ULK4: variants seen among roughly 807,000 people sequenced by gnomAD.
The protein encoded by ULK4 is unc-51 like kinase 4.
In ULK4, 133 loss-of-function variants were observed where a neutral mutation model predicts 160.6. The ratio of observed to expected loss-of-function variants is 0.83; its 90% CI spans 0.72 to 0.96. ULK4 has a LOEUF of 0.96. Ranked by LOEUF, ULK4 falls within the 40% of genes least tolerant of loss-of-function variation. The probability of loss-of-function intolerance (pLI) is 0.00; values close to 1 mark genes in which losing one functional copy is unlikely to be tolerated. For synonymous variants in ULK4, 534 were observed against 539.8 expected (o/e 0.99, Z 0.15); for missense variants, 1,580 against 1,499.5 (o/e 1.05, Z -0.89).
Position 41,835,963 on chromosome 3 carries a change from A to T in ULK4, c.1665T>A (p.Val555=). 6.3e-7 allele frequency: 1 copy of T among 1,591,596 alleles called. No homozygotes were observed. Among genetic ancestry groups the T allele is most frequent in the Non-Finnish European group, 8.6e-7 (1 of 1,167,676 alleles). ...TTTCCCTAATTAATTCAGTTAAGAGAACAATTGCCTGCAAAGACAAAAAAA... is the reference window on the plus strand; with the variant it reads ...TTTCCCTAATTAATTCAGTTAAGAGTACAATTGCCTGCAAAGACAAAAAAA... ...QENTPVVEAI[V]LLTELIRENF... is the part of the protein sequence containing the mutation. Residue 555 remains valine, a synonymous_variant, in exon 18 of 37, where the codon GTT becomes GTA. Coordinates refer to ENST00000301831, the MANE Select transcript of ULK4 (RefSeq NM_017886.4).
At chr3:41,522,749 A>G (rs574955684) in intron 32 of ULK4, among the ~76,000 whole-genome samples, 1 of 152,300 alleles carries the variant, frequency 6.6e-6, no homozygotes, top group African/African-American at 2.4e-5. Context: ...TGTTAAATCC[A>G]AATTATGGTC....
chr3:41,859,335 A>G, intron 17 of ULK4: 1 of 594,576 alleles, frequency 1.7e-6, no homozygotes, highest in Non-Finnish European at 3.3e-6. Flanking sequence ...AGCACTGTAG[A>G]GCACATCTTC....
intron 32 of ULK4, among the ~76,000 whole-genome samples, chr3:41,553,167 GATA>G (rs1315025320): frequency 2.6e-5 from 4 of 151,818 alleles, no homozygotes; most frequent in Non-Finnish European, 1.5e-5. Flanking sequence ...AAAATATAGA[GATA>G]ATTCTTCAGG....
rs531780293 is a variant in ULK4, at chr3:41,541,882, T to C, written c.3226+24143A>G. On this transcript the variant is annotated intron_variant, in intron 32 of 36. Transcript: ENST00000301831. ...ACATTGATTTTGTATCCTGAGACTT[T>C]GCTGAAGTTGCTTATCAGCTTAACT... Among the ~76,000 whole-genome samples the C allele has an allele frequency of 1.4e-4, 22 of 152,354 alleles. No homozygotes were observed. In the East Asian group the frequency reaches 4.2e-3, roughly 29 times the overall value.
chr3:41,852,815 A>C (rs1379510826), intron 17 of ULK4, among the ~76,000 whole-genome samples: 2 of 152,102 alleles, frequency 1.3e-5, no homozygotes, highest in African/African-American at 2.4e-5. Context: ...ATAGGAGACC[A>C]TTAATATTAA....
At chr3:41,753,478 T>C (rs1427436187) in intron 22 of ULK4, among the ~76,000 whole-genome samples, 2 of 152,150 alleles carry the variant, frequency 1.3e-5, no homozygotes, top group African/African-American at 4.8e-5. Flanking sequence ...ACGGATCAGA[T>C]GGTTCAGAAG....
At chr3:41,417,742 C>T (rs1444271115) in intron 34 of ULK4, among the ~76,000 whole-genome samples, 1 of 152,146 alleles carries the variant, frequency 6.6e-6, no homozygotes, top group Non-Finnish European at 1.5e-5. Flanking sequence ...CACTTCTGTT[C>T]GCTTCTCACT....
At chr3:41,650,468 C>T (rs1212683713) in intron 30 of ULK4, among the ~76,000 whole-genome samples, 1 of 152,214 alleles carries the variant, frequency 6.6e-6, no homozygotes, top group African/African-American at 2.4e-5. Context: ...CCACGTTCCC[C>T]AGTGCCCACA....
At position 41,912,810 on chromosome 3, in the gene ULK4, A is replaced by T; in HGVS notation, c.893T>A (p.Leu298His). Residue 298 changes from leucine to histidine, a missense_variant, in exon 9 of 37, where the codon CTC becomes CAC. Transcript: ENST00000301831. ...DQESSVEDLS[L>H]SRNTMECSGP... Reference sequence around the variant, plus strand: ...CACAAAGGTAAGTGTATACTACCTGAGACTGAGATCTTCGACGCTTGATTC... The same window carrying T: ...CACAAAGGTAAGTGTATACTACCTGTGACTGAGATCTTCGACGCTTGATTC... 1 of 1,614,122 alleles carries T rather than the reference A, an allele frequency of 6.2e-7. No individual in the cohort carries two copies. The highest frequency in any genetic ancestry group is 8.5e-7 in the Non-Finnish European group (1 of 1,179,966).
intron 32 of ULK4, among the ~76,000 whole-genome samples, chr3:41,539,872 G>A (rs2086634597): frequency 1.3e-5 from 2 of 152,126 alleles, no homozygotes; most frequent in Admixed American, 6.6e-5. Flanking sequence ...GGAAACCTCT[G>A]TCATCTCACT....
At chr3:41,894,068 A>G (rs1400602287) in intron 16 of ULK4, among the ~76,000 whole-genome samples, 6 of 152,198 alleles carry the variant, frequency 3.9e-5, no homozygotes, top group Non-Finnish European at 5.9e-5. Flanking sequence ...TGGGGGAAAA[A>G]AACAGTATGT....
chr3:41,783,757 C>A (rs2039922440), intron 21 of ULK4, among the ~76,000 whole-genome samples: 1 of 152,108 alleles, frequency 6.6e-6, no homozygotes, highest in Non-Finnish European at 1.5e-5. Flanking sequence ...GCATTGACTA[C>A]TTTAAGTTTT....
intron 32 of ULK4, among the ~76,000 whole-genome samples, chr3:41,565,407 T>G (rs1179387353): frequency 6.6e-6 from 1 of 152,224 alleles, no homozygotes; most frequent in Non-Finnish European, 1.5e-5. Context: ...TGCCCCTTAA[T>G]TCCCATTATA....
At chr3:41,475,232 C>G (rs2084104658) in intron 32 of ULK4, among the ~76,000 whole-genome samples, 1 of 152,090 alleles carries the variant, frequency 6.6e-6, no homozygotes, top group Admixed American at 6.5e-5. Flanking sequence ...GTGAAATAAA[C>G]CAGACACGGG....
rs1423201254 is a variant in ULK4, at chr3:41,295,235, G to GA, written c.3679-45662dup. 5.0e-4 allele frequency among the ~76,000 whole-genome samples: 38 copies of GA among 75,822 alleles called. 13 individuals are homozygous for GA. The highest frequency in any genetic ancestry group is 7.7e-4 in the Non-Finnish European group (23 of 29,782). The allele number at this position is 75,822 out of a possible 152,430, so 49.7% of individuals were successfully genotyped here. A position where few individuals can be genotyped will look rare whatever the true frequency, so the allele number is the denominator to read the frequency against. ...TCAAGAAATAGTGTTGGAACAACTGGATATCCACATGCAAAACATGAATGC... is the reference window on the plus strand; with the variant it reads ...TCAAGAAATAGTGTTGGAACAACTGGAATATCCACATGCAAAACATGAATGC... On this transcript the variant is annotated intron_variant, in intron 35 of 36. Coordinates refer to ENST00000301831, the MANE Select transcript of ULK4 (RefSeq NM_017886.4).
chr3:41,659,825 A>C (rs1252962265), intron 30 of ULK4, among the ~76,000 whole-genome samples: 1 of 152,222 alleles, frequency 6.6e-6, no homozygotes, highest in Non-Finnish European at 1.5e-5. Flanking sequence ...AAGTCTATCA[A>C]TTAGACACTA....
intron 31 of ULK4, among the ~76,000 whole-genome samples, chr3:41,611,893 T>C (rs982258843): frequency 3.3e-5 from 5 of 152,128 alleles, no homozygotes; most frequent in African/African-American, 9.7e-5. Context: ...TTTCCTACCA[T>C]TTCTCCATGG....
chr3:41,818,031 G>A (rs2041025322), intron 19 of ULK4, among the ~76,000 whole-genome samples: 1 of 150,914 alleles, frequency 6.6e-6, no homozygotes, highest in Admixed American at 6.6e-5. Flanking sequence ...TGGCAAGGAT[G>A]TGAAGAAAGG....
intron 35 of ULK4, among the ~76,000 whole-genome samples, chr3:41,393,999 A>G (rs751384235): frequency 1.3e-5 from 2 of 152,154 alleles, no homozygotes; most frequent in African/African-American, 2.4e-5. Flanking sequence ...TCTGGGAACA[A>G]TCACTGGAGC....
Sources: allele counts gnomAD v4.1 joint callset (sites outside exome capture counted in the v4.1 genomes callset), GRCh38; gene constraint gnomAD v4.1.1; transcripts MANE v1.5; gene names NCBI Gene and HGNC (gene_info 2026-07-23, HGNC 2026-07-21).